SLC36A1: variants seen among roughly 807,000 people sequenced by gnomAD.
SLC36A1 encodes the protein proton-coupled amino acid transporter 1.
A neutral mutation model predicts 47.5 loss-of-function variants in SLC36A1; 30 were observed. The observed-to-expected ratio is 0.63, with a 90% confidence interval of 0.47 to 0.86. The LOEUF is 0.86. SLC36A1 is among the 40% of genes least tolerant of loss of function. The pLI is 0.00. For synonymous variants in SLC36A1, 255 were observed against 249.7 expected, an observed-to-expected ratio of 1.02 and a Z score of -0.20; for missense variants, 517 against 606.0, an observed-to-expected ratio of 0.85 and a Z score of 1.54.
At chr5:151,439,593 C>T (rs1752502173) in intron 1 of SLC36A1, among the ~76,000 whole-genome samples, 1 of 148,884 alleles carries the variant, frequency 6.7e-6, no homozygotes, top group Non-Finnish European at 1.5e-5. Flanking sequence ...GTGGAGGTGG[C>T]AGTGAGCTGA....
At chr5:151,373,122 G>T in the SLC36A1 span, among the ~76,000 whole-genome samples, 1 of 151,708 alleles carries the variant, frequency 6.6e-6, no homozygotes, top group Non-Finnish European at 1.5e-5. Flanking sequence ...AATAATAAAA[G>T]ACATAAAACT....
chr5:151,507,454 A>G, the SLC36A1 span: 1 of 1,614,126 alleles, frequency 6.2e-7, no homozygotes, highest in African/African-American at 1.3e-5. Flanking sequence ...TGAGACTTGC[A>G]ACGGCGGCAG....
the SLC36A1 span, among the ~76,000 whole-genome samples, chr5:151,353,315 T>TTTAG: frequency 6.6e-6 from 1 of 152,142 alleles, no homozygotes; most frequent in South Asian, 2.1e-4. Flanking sequence ...AGATACTATG[T>TTTAG]TTAGGACAGA....
At chr5:151,553,748 C>A in the SLC36A1 span, among the ~76,000 whole-genome samples, 58 of 152,344 alleles carry the variant, frequency 3.8e-4, no homozygotes, top group Admixed American at 1.7e-3. Flanking sequence ...ATTTATTGAG[C>A]ACTCACTATT....
chr5:151,417,522 C>T, the SLC36A1 span, among the ~76,000 whole-genome samples: 3 of 152,122 alleles, frequency 2.0e-5, no homozygotes, highest in Non-Finnish European at 4.4e-5. Flanking sequence ...CAGCATTTTG[C>T]CCCCAACCTA....
At chr5:151,467,143 G>C in intron 5 of SLC36A1, 56 bp from the exon 6 acceptor site, 1 of 1,351,012 alleles carries the variant, frequency 7.4e-7, no homozygotes, top group Non-Finnish European at 1.0e-6. Context: ...TCCCCTTCTG[G>C]GAGCATTGCA....
intron 10 of SLC36A1, chr5:151,480,249 A>G (rs999928210): frequency 2.2e-6 from 1 of 460,750 alleles, no homozygotes; most frequent in Non-Finnish European, 3.7e-6. Flanking sequence ...TCAAATGCTT[A>G]AAAGCATAGA....
At chr5:151,452,928 AT>A (rs1246684373) in intron 1 of SLC36A1, among the ~76,000 whole-genome samples, 1 of 151,400 alleles carries the variant, frequency 6.6e-6, no homozygotes, top group South Asian at 2.1e-4. Flanking sequence ...TAGGCTGGGC[AT>A]GGTGACTCAT....
chr5:151,474,857 C>T (rs553178390), intron 8 of SLC36A1, among the ~76,000 whole-genome samples: 7 of 152,372 alleles, frequency 4.6e-5, no homozygotes, highest in African/African-American at 1.4e-4. Flanking sequence ...AGAGCCTCCT[C>T]CCGGCACGGC....
At chr5:151,429,807 A>G in the SLC36A1 span, among the ~76,000 whole-genome samples, 5 of 152,136 alleles carry the variant, frequency 3.3e-5, no homozygotes, top group African/African-American at 1.2e-4. Flanking sequence ...ACTACAGCCA[A>G]TGCTTGAACA....
In SLC36A1 at chr5:151,476,653, A is replaced by G. The variant is rs760646759; in HGVS notation, c.886A>G (p.Met296Val). 9 of 1,613,038 alleles carry G rather than the reference A, an allele frequency of 5.6e-6. No homozygotes were observed. Among genetic ancestry groups the G allele is most frequent in the Admixed American group, 5.0e-5 (3 of 59,872 alleles). ...RKFPLILYLG[M>V]VIVTILYISL... ...GTTCCCACTCATCCTGTACCTGGGC[A>G]TGGTCATCGTCACCATCCTCTACAT... Residue 296 changes from methionine (M) to valine (V), a missense_variant, in exon 9 of 11, where the codon ATG becomes GTG. Physicochemically the swap from Met to Val is conservative, Grantham distance 21. Transcript: ENST00000243389.
chr5:151,450,752 A>C (rs923575867), intron 1 of SLC36A1, among the ~76,000 whole-genome samples: 3 of 152,178 alleles, frequency 2.0e-5, no homozygotes, highest in Non-Finnish European at 4.4e-5. Flanking sequence ...TAAATGCTTG[A>C]TATCGCTTCA....
chr5:151,348,351 C>T, the SLC36A1 span, among the ~76,000 whole-genome samples: 30 of 152,326 alleles, frequency 2.0e-4, no homozygotes, highest in East Asian at 5.6e-3. Context: ...ATCCCACTCT[C>T]TGTCATTATC....
the SLC36A1 span, among the ~76,000 whole-genome samples, chr5:151,528,784 A>G: frequency 6.6e-6 from 1 of 152,064 alleles, no homozygotes; most frequent in African/African-American, 2.4e-5. Context: ...GCAAAGAGGT[A>G]TTATTTGGTG....
the SLC36A1 span, chr5:151,521,434 G>C: frequency 6.2e-7 from 1 of 1,614,216 alleles, no homozygotes; most frequent in East Asian, 2.2e-5. Flanking sequence ...GGGCATAGCT[G>C]ACCGCATCTG....
the SLC36A1 span, among the ~76,000 whole-genome samples, chr5:151,405,256 G>T: frequency 2.7e-4 from 41 of 151,406 alleles, no homozygotes; most frequent in Admixed American, 2.7e-3. Context: ...TCTTAAAATG[G>T]CTATGTTGTC....
At chr5:151,381,915 G>T in the SLC36A1 span, 10 of 322,992 alleles carry the variant, frequency 3.1e-5, no homozygotes, top group Middle Eastern at 4.7e-4. Context: ...TTTCTCTGTC[G>T]CAATTCCCTT....
the SLC36A1 span, among the ~76,000 whole-genome samples, chr5:151,364,051 T>C: frequency 5.9e-3 from 900 of 152,366 alleles, 9 homozygotes; most frequent in African/African-American, 0.02. Context: ...TCTTTATGTT[T>C]ACATTTCTCT....
chr5:151,418,467 C>T, the SLC36A1 span, among the ~76,000 whole-genome samples: 107 of 152,292 alleles, frequency 7.0e-4, no homozygotes, highest in East Asian at 0.019. Context: ...CACTTGCATC[C>T]GTGTGACCTG....
Sources: gnomAD v4.1 joint callset for allele counts (sites outside exome capture counted in the v4.1 genomes callset) on GRCh38, gnomAD v4.1.1 for gene constraint, MANE v1.5 for transcripts, NCBI Gene and HGNC (gene_info 2026-07-23, HGNC 2026-07-21) for gene names.